The following OR2I1 variants were observed in gnomAD, a reference collection of about 807,000 sequenced individuals.
OR2I1 encodes putative olfactory receptor 2I1.
chr6:29,553,895 G>A, the OR2I1 span: 1 of 398,636 alleles, frequency 2.5e-6, no homozygotes, highest in African/African-American at 2.1e-5. Flanking sequence ...CGAGCTGTCT[G>A]TTGCATGCGG....
At chr6:29,552,334 G>A in the OR2I1 span, among the ~76,000 whole-genome samples, 1 of 152,218 alleles carries the variant, frequency 6.6e-6, no homozygotes, top group Non-Finnish European at 1.5e-5. Context: ...GCTAAAGGGA[G>A]CTATGTAGGT....
chr6:29,557,516 C>A, the OR2I1 span: 1 of 152,284 alleles, frequency 6.6e-6, no homozygotes, highest in Admixed American at 6.5e-5. Flanking sequence ...TCAGAGTGAC[C>A]ATGGGTGGTA....
chr6:29,554,389 A>AC, the OR2I1 span: 1 of 374,804 alleles, frequency 2.7e-6, no homozygotes, highest in Non-Finnish European at 4.7e-6. Context: ...AGGAAAACCT[A>AC]CCCCTCACAA....
chr6:29,553,101 G>GTA, the OR2I1 span: 1 of 397,694 alleles, frequency 2.5e-6, no homozygotes, highest in Non-Finnish European at 4.4e-6. Flanking sequence ...AACTGACCTT[G>GTA]TATATGATTC....
chr6:29,553,396 T>C, the OR2I1 span: 4 of 398,872 alleles, frequency 1.0e-5, no homozygotes, highest in Admixed American at 4.4e-5. Flanking sequence ...GCCCATGTAC[T>C]ACTTCCTCTG....
chr6:29,556,564 CCT>C, the OR2I1 span: 47 of 527,962 alleles, frequency 8.9e-5, no homozygotes, highest in East Asian at 5.9e-4. Context: ...TATAATCACA[CCT>C]TTTTTTCGAT....
chr6:29,553,483 C>T, the OR2I1 span: 3,097 of 398,670 alleles, frequency 7.8e-3, 23 homozygotes, highest in Non-Finnish European at 8.6e-3. Context: ...CGGACCAGCG[C>T]TCTGGCTGCC....
chr6:29,551,066 G>C, the OR2I1 span, among the ~76,000 whole-genome samples: 2 of 152,192 alleles, frequency 1.3e-5, no homozygotes, highest in African/African-American at 4.8e-5. Context: ...TAACAAGAAT[G>C]TTATCTGTGC....
chr6:29,556,009 C>T, the OR2I1 span: 7 of 1,613,090 alleles, frequency 4.3e-6, no homozygotes, highest in East Asian at 2.2e-5. Context: ...GGATTATACC[C>T]GTCTTAGTCT....
chr6:29,556,875 T>G, the OR2I1 span: 1 of 155,006 alleles, frequency 6.5e-6, no homozygotes, highest in Non-Finnish European at 1.4e-5. Flanking sequence ...GAGAATCATT[T>G]GAATCCAGGA....
the OR2I1 span, among the ~76,000 whole-genome samples, chr6:29,552,459 G>C: frequency 2.2e-4 from 33 of 152,278 alleles, no homozygotes; most frequent in African/African-American, 7.5e-4. Flanking sequence ...AGTGGGAGGG[G>C]CATGGACGTT....
the OR2I1 span, chr6:29,556,297 A>G: frequency 6.2e-7 from 1 of 1,613,058 alleles, no homozygotes; most frequent in Non-Finnish European, 8.5e-7. Flanking sequence ...TCACGCTGTC[A>G]TATGGGTTGG....
At chr6:29,557,308 G>A in the OR2I1 span, 3 of 152,092 alleles carry the variant, frequency 2.0e-5, no homozygotes, top group Admixed American at 6.5e-5. Context: ...AACTGACCCC[G>A]TGTTCCACAA....
the OR2I1 span, among the ~76,000 whole-genome samples, chr6:29,551,628 C>T: frequency 6.8e-4 from 104 of 152,262 alleles, no homozygotes; most frequent in East Asian, 4.6e-3. Flanking sequence ...ACAGATATGA[C>T]GATAGTTAGC....
At chr6:29,553,361 C>A in the OR2I1 span, 7 of 399,332 alleles carry the variant, frequency 1.8e-5, no homozygotes, top group East Asian at 2.5e-4. Context: ...GTGCTGCTGG[C>A]GGTGCGCGAC....
the OR2I1 span, chr6:29,555,267 G>A: frequency 6.6e-6 from 1 of 152,310 alleles, no homozygotes; most frequent in African/African-American, 2.4e-5. Context: ...AGAATAAAAG[G>A]GGGCATGGTG....
At chr6:29,552,024 A>T in the OR2I1 span, among the ~76,000 whole-genome samples, 1 of 152,236 alleles carries the variant, frequency 6.6e-6, no homozygotes, top group Non-Finnish European at 1.5e-5. Context: ...TATCCATATA[A>T]TAATTTATGT....
the OR2I1 span, chr6:29,556,431 C>G: frequency 2.0e-6 from 2 of 989,548 alleles, no homozygotes; most frequent in Non-Finnish European, 3.0e-6. Flanking sequence ...ATGGCTCCCC[C>G]TCTTCCACTA....
chr6:29,555,169 GA>G, the OR2I1 span: 1 of 152,190 alleles, frequency 6.6e-6, no homozygotes, highest in Non-Finnish European at 1.5e-5. Flanking sequence ...TAGTTAAACA[GA>G]ATTGCTAGAT....
Sources: allele counts gnomAD v4.1 joint callset (sites outside exome capture counted in the v4.1 genomes callset), GRCh38; gene constraint gnomAD v4.1.1; transcripts MANE v1.5; gene names NCBI Gene and HGNC (gene_info 2026-07-23, HGNC 2026-07-21).